Variants in LRMDA observed in about 807,000 individuals in gnomAD.
LRMDA encodes the protein leucine rich melanocyte differentiation associated.
In LRMDA, 18 loss-of-function variants were observed where a neutral mutation model predicts 29.8. The observed-to-expected ratio is 0.60, with a 90% CI of 0.42 to 0.90. The LOEUF (loss-of-function observed/expected upper bound fraction) is 0.90. Ranked by LOEUF, LRMDA falls within the 40% of genes least tolerant of loss-of-function variation. The pLI is 0.00. For synonymous variants in LRMDA, 125 were observed against 109.4 expected (o/e 1.14, Z -0.89); for missense variants, 273 against 273.9 (o/e 1.00, Z 0.02).
chr10:75,793,289 T>C (rs1265289483), intron 2 of LRMDA, among the ~76,000 whole-genome samples: 4 of 152,104 alleles, frequency 2.6e-5, no homozygotes, highest in Non-Finnish European at 1.5e-5. Context: ...ACTGTGAAGG[T>C]GATGGTTAGT....
At chr10:76,077,213 T>C (rs1405262654) in intron 5 of LRMDA, among the ~76,000 whole-genome samples, 1 of 152,232 alleles carries the variant, frequency 6.6e-6, no homozygotes, top group Non-Finnish European at 1.5e-5. Flanking sequence ...CTGTTGACCA[T>C]GCTTGAGCTT....
intron 5 of LRMDA, among the ~76,000 whole-genome samples, chr10:76,064,889 T>A (rs925388793): frequency 7.9e-5 from 12 of 152,246 alleles, no homozygotes; most frequent in African/African-American, 2.4e-4. Context: ...TTTTTCTGGA[T>A]GTTTCCAACT....
chr10:76,459,721 G>A (rs961989423), intron 6 of LRMDA, among the ~76,000 whole-genome samples: 4 of 152,010 alleles, frequency 2.6e-5, no homozygotes, highest in South Asian at 2.1e-4. Flanking sequence ...GTTTTCACCC[G>A]AATTTTCCTC....
intron 2 of LRMDA, among the ~76,000 whole-genome samples, chr10:75,877,369 G>A (rs918011152): frequency 3.3e-5 from 5 of 152,168 alleles, no homozygotes; most frequent in African/African-American, 7.2e-5. Context: ...GCATCTTCCC[G>A]AACTGAAATA....
intron 2 of LRMDA, among the ~76,000 whole-genome samples, chr10:76,008,197 A>G (rs184373918): frequency 6.6e-6 from 1 of 152,292 alleles, no homozygotes; most frequent in South Asian, 2.1e-4. Flanking sequence ...GCTACACAAT[A>G]GACTGTCAAA....
chr10:76,512,420 C>T (rs562437430), intron 6 of LRMDA, among the ~76,000 whole-genome samples: 41 of 152,168 alleles, frequency 2.7e-4, no homozygotes, highest in South Asian at 6.2e-4. Flanking sequence ...AGAAATAAAG[C>T]CTTACATTTA....
At chr10:75,922,402 T>C (rs1463661940) in intron 2 of LRMDA, among the ~76,000 whole-genome samples, 5 of 152,174 alleles carry the variant, frequency 3.3e-5, no homozygotes, top group Non-Finnish European at 7.3e-5. Flanking sequence ...AACTGGTTGG[T>C]TGAGTGTCAA....
At chr10:76,027,410 T>G (rs1205758251) in intron 2 of LRMDA, among the ~76,000 whole-genome samples, 1 of 152,212 alleles carries the variant, frequency 6.6e-6, no homozygotes, top group African/African-American at 2.4e-5. Context: ...AAATGTATAT[T>G]CATGATAGAA....
intron 6 of LRMDA, among the ~76,000 whole-genome samples, chr10:76,461,797 G>A (rs376564121): frequency 1.3e-5 from 2 of 152,158 alleles, no homozygotes; most frequent in South Asian, 2.1e-4. Flanking sequence ...GACTCAGGCC[G>A]GGTACAGGGG....
At chr10:76,482,719 A>C (rs1256067889) in intron 6 of LRMDA, among the ~76,000 whole-genome samples, 1 of 151,980 alleles carries the variant, frequency 6.6e-6, no homozygotes, top group African/African-American at 2.4e-5. Flanking sequence ...CTTGCTGTGA[A>C]TAGAATGTGC....
intron 5 of LRMDA, among the ~76,000 whole-genome samples, chr10:76,158,195 G>A (rs1049806670): frequency 8.8e-6 from 1 of 113,722 alleles, no homozygotes; most frequent in Non-Finnish European, 2.0e-5. Flanking sequence ...ATGTCCTAGG[G>A]ACTTTGATCT....
chr10:75,913,034 G>T (rs1165818912), intron 2 of LRMDA, among the ~76,000 whole-genome samples: 1 of 152,194 alleles, frequency 6.6e-6, no homozygotes, highest in African/African-American at 2.4e-5. Context: ...CTTTAGAGAT[G>T]CATCATGACT....
At chr10:76,002,152 T>A (rs1847573079) in intron 2 of LRMDA, among the ~76,000 whole-genome samples, 3 of 152,176 alleles carry the variant, frequency 2.0e-5, no homozygotes, top group Admixed American at 6.5e-5. Context: ...TTTTGCTGGG[T>A]CCTCACACCC....
At position 76,145,560 on chromosome 10, in the gene LRMDA, G is replaced by A. The variant is rs182690712; in HGVS notation, c.516+86777G>A. On this transcript the variant is annotated intron_variant, in intron 5 of 6. Transcript: ENST00000611255. ...TATCCCCTTTGTCATTTTTTATTGCGTCTATTTGATTCTTCTCTCTTTTCT... is the reference window on the plus strand; with the variant it reads ...TATCCCCTTTGTCATTTTTTATTGCATCTATTTGATTCTTCTCTCTTTTCT... Among the ~76,000 whole-genome samples the A allele has an allele frequency of 6.2e-3, 942 of 151,912 alleles. 8 individuals carry two copies. Among genetic ancestry groups the A allele is most frequent in the Non-Finnish European group, 8.8e-3 (599 of 67,964 alleles).
At chr10:75,606,006 C>T (rs986267017) in intron 2 of LRMDA, among the ~76,000 whole-genome samples, 1 of 152,150 alleles carries the variant, frequency 6.6e-6, no homozygotes, top group Admixed American at 6.5e-5. Context: ...TACAGGTGTG[C>T]ACCACCATGC....
At chr10:76,007,461 C>G (rs969977522) in intron 2 of LRMDA, among the ~76,000 whole-genome samples, 1 of 152,162 alleles carries the variant, frequency 6.6e-6, no homozygotes, top group African/African-American at 2.4e-5. Context: ...CTTGCTTATT[C>G]ATCTGCTTCC....
At chr10:75,625,238 C>G (rs1367287) in intron 2 of LRMDA, among the ~76,000 whole-genome samples, 1 of 152,192 alleles carries the variant, frequency 6.6e-6, no homozygotes, top group African/African-American at 2.4e-5. Flanking sequence ...GCACTGTTTT[C>G]AGCACTTTAC....
At chr10:76,094,843 C>T (rs1169902241) in intron 5 of LRMDA, among the ~76,000 whole-genome samples, 4 of 152,102 alleles carry the variant, frequency 2.6e-5, no homozygotes, top group Admixed American at 6.6e-5. Flanking sequence ...CCCCAGTGCC[C>T]GCCCAGATTT....
chr10:75,512,235 A>T (rs988635398), intron 2 of LRMDA, among the ~76,000 whole-genome samples: 1 of 152,150 alleles, frequency 6.6e-6, no homozygotes. Flanking sequence ...ATAAAGGTCC[A>T]TGTCTTGCTG....
Sources: gnomAD v4.1 joint callset for allele counts (sites outside exome capture counted in the v4.1 genomes callset) on GRCh38, gnomAD v4.1.1 for gene constraint, MANE v1.5 for transcripts, NCBI Gene and HGNC (gene_info 2026-07-23, HGNC 2026-07-21) for gene names.